The following TDRD1 variants were observed in gnomAD, a reference collection of about 807,000 sequenced individuals.
The protein encoded by TDRD1 is tudor domain containing 1, also known as tudor domain-containing protein 1.
In TDRD1, 37 loss-of-function variants were observed where a neutral mutation model predicts 140.6. The observed-to-expected ratio is 0.26, with a 90% CI of 0.20 to 0.35. The LOEUF (loss-of-function observed/expected upper bound fraction) is 0.35, where lower values mean the gene tolerates loss of function less well. Among genes scored for constraint, TDRD1 ranks in the 10% least tolerant of loss-of-function variants. The pLI is 1.00. For synonymous variants in TDRD1, 506 were observed against 475.7 expected, an observed-to-expected ratio of 1.06 and a Z score of -0.83; for missense variants, 1,243 against 1,393.0, an observed-to-expected ratio of 0.89 and a Z score of 1.71.
At position 114,185,314 on chromosome 10, in the gene TDRD1, C is replaced by T. The variant is rs1475998045; in HGVS notation, c.-6-2512C>T. On this transcript the variant is annotated intron_variant, in intron 1 of 25. Coordinates refer to ENST00000251864, the Ensembl canonical transcript of TDRD1. ...AAGCTATTCTCCTGCCTCAGCCTCC[C>T]GAGTAGCTGGGACTACAGGTGCGTG... 2.0e-5 allele frequency among the ~76,000 whole-genome samples: 3 copies of T among 152,162 alleles called. No individual in the cohort carries two copies. The South Asian group carries it at 6.2e-4, about 32-fold the overall frequency.
At chr10:114,228,199 G>C (rs1365714964) in intron 25 of TDRD1, 1 of 1,490,258 alleles carries the variant, frequency 6.7e-7, no homozygotes, top group African/African-American at 1.4e-5. Context: ...ATATTGGCAG[G>C]ATAGAGCTAA....
intron 1 of TDRD1, among the ~76,000 whole-genome samples, chr10:114,183,216 T>C (rs1201573054): frequency 6.6e-6 from 1 of 152,224 alleles, no homozygotes; most frequent in Non-Finnish European, 1.5e-5. Context: ...GACAGTGTTA[T>C]GAAAGACTCT....
intron 3 of TDRD1, among the ~76,000 whole-genome samples, chr10:114,192,067 A>G (rs914403315): frequency 1.5e-5 from 2 of 137,262 alleles, no homozygotes; most frequent in Admixed American, 7.3e-5. Context: ...TTTTTTTTTT[A>G]CCGTTGTTTT....
rs1489026695 is a variant in TDRD1, at chr10:114,201,582, ATTAG to A, written c.635+71_635+74del. ...AAGGTTCTGATACAATAAGCGTCCA[ATTAG>A]TTAAGCAGACCACAACCAAGTAGAA... is the stretch of plus-strand genomic sequence containing the variant. On this transcript the variant is annotated intron_variant, in intron 5 of 25. Transcript: ENST00000251864. 9 of 1,365,348 alleles carry A rather than the reference ATTAG, an allele frequency of 6.6e-6. No individual in the cohort carries two copies. In the South Asian group the frequency reaches 8.5e-5, roughly 13 times the overall value. The allele number at this position is 1,365,348 out of a possible 1,614,324, so 84.6% of individuals were successfully genotyped here. A position where few individuals can be genotyped will look rare whatever the true frequency, so the allele number is the denominator to read the frequency against.
intron 1 of TDRD1, 144 bp downstream of exon 1, chr10:114,179,560 A>T (rs2032856070): frequency 6.6e-6 from 1 of 152,200 alleles, no homozygotes; most frequent in Admixed American, 6.5e-5. Context: ...AAGTGGAGAG[A>T]GGAGACTTGG....
At chr10:114,223,451 C>T (rs1025942536) in intron 21 of TDRD1, among the ~76,000 whole-genome samples, 3 of 152,182 alleles carry the variant, frequency 2.0e-5, no homozygotes, top group Non-Finnish European at 2.9e-5. Context: ...GTTTCAAAAC[C>T]CCCCATCTGG....
chr10:114,227,228 T>C lies in TDRD1; in HGVS notation c.3332T>C (p.Val1111Ala), dbSNP rs149172569. 1.4e-4 allele frequency: 228 copies of C among 1,614,238 alleles called. No individual in the cohort carries two copies. The highest frequency in any genetic ancestry group is 1.9e-4 in the Non-Finnish European group (220 of 1,180,028). ...TGTTCTGAGAATGGGACTGTCGATG[T>C]AGCTGATAAGCTAGTGACATTTGGT... The change falls in exon 23 of 26, where the codon GTA becomes GCA. Residue 1111 changes from valine (V) to alanine (A), a missense_variant. Transcript: ENST00000251864.
intron 2 of TDRD1, among the ~76,000 whole-genome samples, chr10:114,190,136 A>C (rs1197268465): frequency 2.0e-5 from 3 of 152,178 alleles, no homozygotes; most frequent in African/African-American, 7.2e-5. Flanking sequence ...CACTGAGTTG[A>C]AGGCAAAAGC....
At chr10:114,211,781 G>T (rs2133068814) in intron 13 of TDRD1, 85 bp from the exon 14 acceptor site, 1 of 1,291,296 alleles carries the variant, frequency 7.7e-7, no homozygotes, top group South Asian at 2.1e-5. Context: ...ATCTATAAAT[G>T]ACCATCTCTA....
At chr10:114,203,606 C>T in intron 8 of TDRD1, 39 bp downstream of exon 8, 1 of 1,553,002 alleles carries the variant, frequency 6.4e-7, no homozygotes, top group Non-Finnish European at 8.7e-7. Context: ...AACGTTTGAG[C>T]TAACTTTGGT....
chr10:114,179,027 G>T (rs558836036), upstream of TDRD1, among the ~76,000 whole-genome samples: 362 of 152,362 alleles, frequency 2.4e-3, 1 homozygote, highest in African/African-American at 8.3e-3. Flanking sequence ...GAAAACCTTG[G>T]AAGACCTTTA....
chr10:114,203,618 G>T (rs746754194), intron 8 of TDRD1, 51 bp downstream of exon 8: 2 of 1,502,014 alleles, frequency 1.3e-6, no homozygotes, highest in African/African-American at 1.4e-5. Context: ...AACTTTGGTC[G>T]TATGAACTGA....
chr10:114,214,205 C>T, intron 16 of TDRD1, 91 bp downstream of exon 16: 1 of 1,158,976 alleles, frequency 8.6e-7, no homozygotes, highest in Non-Finnish European at 1.2e-6. Context: ...GATAAAAGTA[C>T]CTCTTTCCAA....
intron 21 of TDRD1, among the ~76,000 whole-genome samples, chr10:114,225,013 C>T (rs2036353109): frequency 6.6e-6 from 1 of 152,214 alleles, no homozygotes; most frequent in Non-Finnish European, 1.5e-5. Flanking sequence ...CTGCAGACTC[C>T]CAGTGTCGCC....
At chr10:114,176,754 G>A (rs376824327), upstream of TDRD1, among the ~76,000 whole-genome samples, 15 of 152,264 alleles carry the variant, frequency 9.9e-5, no homozygotes, top group East Asian at 1.5e-3. The surrounding 1 kb of genome is among the most constrained non-coding windows in gnomAD (Gnocchi z 4.2). Context: ...AGTCTGGGCG[G>A]CAGAGCAAGA....
intron 1 of TDRD1, among the ~76,000 whole-genome samples, chr10:114,181,170 A>G (rs2119918315): frequency 6.6e-6 from 1 of 152,344 alleles, no homozygotes; most frequent in South Asian, 2.1e-4. Flanking sequence ...GTGATTCCTA[A>G]TTCTGAGAAA....
At chr10:114,179,232 C>T (rs1164086790), upstream of TDRD1, 1 of 152,342 alleles carries the variant, frequency 6.6e-6, no homozygotes, top group Non-Finnish European at 1.5e-5. Context: ...CACGTGGGCA[C>T]ATTGAGTTGC....
At chr10:114,181,038 G>A (rs928886428) in intron 1 of TDRD1, among the ~76,000 whole-genome samples, 1 of 152,162 alleles carries the variant, frequency 6.6e-6, no homozygotes, top group African/African-American at 2.4e-5. Context: ...GGGAGCTTCA[G>A]GACTTAATGG....
chr10:114,200,590 T>A (rs2034662718), intron 4 of TDRD1, among the ~76,000 whole-genome samples: 1 of 152,196 alleles, frequency 6.6e-6, no homozygotes, highest in Admixed American at 6.5e-5. Flanking sequence ...CTTTGCTTGA[T>A]CTTGGCTCAC....
Sources: gnomAD v4.1 joint callset for allele counts (sites outside exome capture counted in the v4.1 genomes callset) on GRCh38, gnomAD v4.1.1 for gene constraint, Gnocchi (gnomAD v3.1) non-coding constraint, MANE v1.5 for transcripts, NCBI Gene and HGNC (gene_info 2026-07-23, HGNC 2026-07-21) for gene names.